The following TENT2 variants were observed in gnomAD, a reference collection of about 807,000 sequenced individuals.
TENT2 encodes the protein terminal nucleotidyltransferase 2.
In TENT2, 44 loss-of-function variants were observed where a neutral mutation model predicts 72.2. The observed-to-expected ratio is 0.61, with a 90% confidence interval of 0.48 to 0.78. The LOEUF (loss-of-function observed/expected upper bound fraction) is 0.78, where lower values mean the gene tolerates loss of function less well. Ranked by LOEUF, TENT2 falls within the 30% of genes least tolerant of loss-of-function variation. TENT2 has a pLI of 0.00. For missense variants in TENT2, 541 were observed against 569.6 expected (o/e 0.95, Z 0.51); for synonymous variants, 212 against 192.5 (o/e 1.10, Z -0.84).
chr5:79,684,922 A>G (rs1315300204), intron 14 of TENT2, among the ~76,000 whole-genome samples: 1 of 152,190 alleles, frequency 6.6e-6, no homozygotes, highest in East Asian at 1.9e-4. Context: ...GCTGAGCGTG[A>G]TGGCATACGC....
chr5:79,664,614 G>T (rs1489044174), intron 11 of TENT2, among the ~76,000 whole-genome samples: 2 of 150,796 alleles, frequency 1.3e-5, no homozygotes, highest in Non-Finnish European at 3.0e-5. Flanking sequence ...AAAAAAAGAG[G>T]TTAACAAATT....
intron 4 of TENT2, among the ~76,000 whole-genome samples, chr5:79,632,465 A>G (rs1193728619): frequency 1.3e-5 from 2 of 152,162 alleles, no homozygotes; most frequent in African/African-American, 2.4e-5. Context: ...TGAGAATGTA[A>G]TCAGTTATCT....
intron 13 of TENT2, 66 bp from the exon 14 acceptor site, chr5:79,681,916 C>G (rs957811534): frequency 4.5e-5 from 61 of 1,360,024 alleles, no homozygotes; most frequent in Non-Finnish European, 6.2e-5. Flanking sequence ...CAGTATCAAA[C>G]CTAAAAAAGA....
chr5:79,677,885 A>C (rs558340997), intron 12 of TENT2, among the ~76,000 whole-genome samples: 1 of 152,238 alleles, frequency 6.6e-6, no homozygotes, highest in Non-Finnish European at 1.5e-5. Context: ...CTGCAGCCTC[A>C]ACCTCCCCTT....
At chr5:79,675,809 G>T (rs1816841603) in intron 12 of TENT2, among the ~76,000 whole-genome samples, 6 of 152,124 alleles carry the variant, frequency 3.9e-5, no homozygotes, top group Admixed American at 1.3e-4. Flanking sequence ...GTTTCCAATA[G>T]CTGGTTGTAA....
intron 10 of TENT2, among the ~76,000 whole-genome samples, chr5:79,650,654 T>G (rs1444095378): frequency 6.6e-6 from 1 of 152,104 alleles, no homozygotes; most frequent in East Asian, 1.9e-4. Flanking sequence ...CCCTTATAGC[T>G]GTGTTTCTGT....
At chr5:79,655,743 T>C (rs1365180981) in intron 10 of TENT2, among the ~76,000 whole-genome samples, 1 of 141,242 alleles carries the variant, frequency 7.1e-6, no homozygotes, top group Non-Finnish European at 1.5e-5. Context: ...AAGTAATGAT[T>C]GAGTTTTTTT....
chr5:79,681,899 A>G (rs1033174033), intron 13 of TENT2, 83 bp from the exon 14 acceptor site: 8 of 1,128,008 alleles, frequency 7.1e-6, no homozygotes, highest in Admixed American at 4.7e-5. Context: ...AACTGTTAAC[A>G]TATTGACAGT....
chr5:79,665,845 T>C (rs1024940491), intron 11 of TENT2, among the ~76,000 whole-genome samples: 64 of 152,176 alleles, frequency 4.2e-4, no homozygotes, highest in Admixed American at 4.1e-3. Context: ...TCTTTGACTT[T>C]TTGGTTGTTC....
chr5:79,633,131 A>C (rs1776881332), intron 4 of TENT2, among the ~76,000 whole-genome samples: 1 of 152,196 alleles, frequency 6.6e-6, no homozygotes, highest in Non-Finnish European at 1.5e-5. Flanking sequence ...GGGAAAGGGA[A>C]TTGACTGTGA....
At chr5:79,631,425 G>T (rs183134881) in intron 4 of TENT2, among the ~76,000 whole-genome samples, 2 of 152,258 alleles carry the variant, frequency 1.3e-5, no homozygotes, top group Admixed American at 1.3e-4. Flanking sequence ...CATCAGAGTG[G>T]ATATTTAGCA....
At chr5:79,648,314 G>GA (rs963937048) in intron 8 of TENT2, among the ~76,000 whole-genome samples, 59 of 142,880 alleles carry the variant, frequency 4.1e-4, no homozygotes, top group South Asian at 2.9e-3. Flanking sequence ...TCTCTTTAAA[G>GA]AAAAAAAAAA....
chr5:79,665,292 A>G (rs1425426631), intron 11 of TENT2, among the ~76,000 whole-genome samples: 1 of 152,156 alleles, frequency 6.6e-6, no homozygotes, highest in African/African-American at 2.4e-5. Context: ...TTACCTGGAG[A>G]TGGAAAGTGA....
intron 4 of TENT2, 195 bp downstream of exon 4, chr5:79,623,684 C>T (rs1766935426): frequency 5.0e-6 from 2 of 399,458 alleles, no homozygotes; most frequent in Non-Finnish European, 8.8e-6. Flanking sequence ...GAAATGCAGC[C>T]ATCAGGAAAT....
intron 10 of TENT2, among the ~76,000 whole-genome samples, chr5:79,651,734 C>T (rs1297861494): frequency 1.3e-5 from 2 of 151,930 alleles, no homozygotes; most frequent in African/African-American, 2.4e-5. Context: ...CTTGATTCTA[C>T]CTTTAGACAC....
intron 1 of TENT2, among the ~76,000 whole-genome samples, chr5:79,616,560 T>C (rs562146357): frequency 6.6e-6 from 1 of 152,204 alleles, no homozygotes; most frequent in East Asian, 1.9e-4. Flanking sequence ...TCAAACAATC[T>C]GCCTGCCTCA....
At chr5:79,624,110 CCTT>C (rs1457389952) in intron 4 of TENT2, among the ~76,000 whole-genome samples, 1 of 152,076 alleles carries the variant, frequency 6.6e-6, no homozygotes, top group South Asian at 2.1e-4. Flanking sequence ...TAAAAAATCA[CCTT>C]CTAGGTAATT....
intron 14 of TENT2, 68 bp downstream of exon 14, chr5:79,682,129 C>A (rs537716831): frequency 9.3e-7 from 1 of 1,070,008 alleles, no homozygotes; most frequent in Non-Finnish European, 1.4e-6. Context: ...GGAAAAAATA[C>A]GTGTGTAGTA....
intron 11 of TENT2, among the ~76,000 whole-genome samples, chr5:79,666,947 T>G (rs1191158263): frequency 6.6e-6 from 1 of 152,174 alleles, no homozygotes; most frequent in Non-Finnish European, 1.5e-5. Context: ...TTTTCAGTTT[T>G]GGTTTGGATT....
Sources: gnomAD v4.1 joint callset for allele counts (sites outside exome capture counted in the v4.1 genomes callset) on GRCh38, gnomAD v4.1.1 for gene constraint, MANE v1.5 for transcripts, NCBI Gene and HGNC (gene_info 2026-07-23, HGNC 2026-07-21) for gene names.